Variants in NEGR1 observed in about 807,000 individuals in gnomAD.
NEGR1 encodes IgLON family member 4.
A neutral mutation model predicts 40.9 loss-of-function variants in NEGR1; 10 were observed. The observed-to-expected ratio is 0.24, with a 90% CI of 0.15 to 0.42. NEGR1 has a LOEUF of 0.42. Among genes scored for constraint, NEGR1 ranks in the 10% least tolerant of loss-of-function variants. The probability of loss-of-function intolerance (pLI) is 1.00; values close to 1 mark genes in which losing one functional copy is unlikely to be tolerated. For missense variants in NEGR1, 352 were observed against 438.9 expected (o/e 0.80, Z 1.77); for synonymous variants, 185 against 166.8 (o/e 1.11, Z -0.84).
chr1:71,845,522 C>G (rs1403809154), intron 2 of NEGR1, among the ~76,000 whole-genome samples: 4 of 152,096 alleles, frequency 2.6e-5, no homozygotes, highest in Non-Finnish European at 1.5e-5. Flanking sequence ...ACTAATGAAA[C>G]TAAGTACTTA....
At chr1:72,133,257 C>A (rs541864429) in intron 1 of NEGR1, among the ~76,000 whole-genome samples, 10 of 152,018 alleles carry the variant, frequency 6.6e-5, no homozygotes, top group African/African-American at 2.2e-4. Context: ...TAATTTGTTG[C>A]CTAGAAACAA....
chr1:71,451,517 G>A (rs1325704805), intron 6 of NEGR1, among the ~76,000 whole-genome samples: 2 of 151,858 alleles, frequency 1.3e-5, no homozygotes, highest in East Asian at 1.9e-4. Flanking sequence ...TGTATTTTTA[G>A]TAGAGACAGG....
chr1:71,472,428 A>G (rs755697655), intron 6 of NEGR1, among the ~76,000 whole-genome samples: 1 of 152,140 alleles, frequency 6.6e-6, no homozygotes, highest in Non-Finnish European at 1.5e-5. Context: ...ACCCTCCAGG[A>G]TCATGATTTT....
At chr1:71,993,052 C>T (rs576480964) in intron 1 of NEGR1, among the ~76,000 whole-genome samples, 33 of 152,052 alleles carry the variant, frequency 2.2e-4, no homozygotes, top group Non-Finnish European at 3.7e-4. Flanking sequence ...TCAGAGGTTT[C>T]CTGAGGCAGT....
chr1:71,841,943 A>T (rs1570420019), intron 2 of NEGR1, among the ~76,000 whole-genome samples: 1 of 152,274 alleles, frequency 6.6e-6, no homozygotes, highest in East Asian at 1.9e-4. Context: ...AAATTCCTTC[A>T]ACGTAAGTAT....
chr1:71,417,004 G>A (rs542610067), intron 6 of NEGR1, among the ~76,000 whole-genome samples: 1 of 152,268 alleles, frequency 6.6e-6, no homozygotes, highest in Middle Eastern at 3.4e-3. Context: ...CAAATGATGT[G>A]CTTAAATTAG....
intron 1 of NEGR1, among the ~76,000 whole-genome samples, chr1:72,053,969 G>A (rs1477569330): frequency 1.3e-5 from 2 of 151,040 alleles, no homozygotes; most frequent in African/African-American, 4.8e-5. Context: ...CGTCTCTTGT[G>A]ACAGAAAGCA....
At chr1:71,668,137 T>A (rs1322269158) in intron 4 of NEGR1, among the ~76,000 whole-genome samples, 2 of 152,222 alleles carry the variant, frequency 1.3e-5, no homozygotes, top group Non-Finnish European at 2.9e-5. Context: ...ATTTTCCTGA[T>A]AGGAATATCT....
At chr1:72,181,030 C>T (rs1486613687) in intron 1 of NEGR1, among the ~76,000 whole-genome samples, 3 of 152,070 alleles carry the variant, frequency 2.0e-5, no homozygotes, top group African/African-American at 7.2e-5. Flanking sequence ...ATGGTGTTGA[C>T]TGTAGTGTTC....
At chr1:72,179,606 AG>A (rs1354716035) in intron 1 of NEGR1, among the ~76,000 whole-genome samples, 3 of 152,078 alleles carry the variant, frequency 2.0e-5, no homozygotes, top group Admixed American at 1.3e-4. Context: ...TGCAAAGGAA[AG>A]TTTAATAAAT....
At chr1:71,851,952 G>A (rs895634510) in intron 2 of NEGR1, among the ~76,000 whole-genome samples, 14 of 152,090 alleles carry the variant, frequency 9.2e-5, no homozygotes, top group Non-Finnish European at 1.5e-4. Flanking sequence ...TTCTTGGGAA[G>A]ATGTATATCC....
intron 6 of NEGR1, among the ~76,000 whole-genome samples, chr1:71,584,820 G>A (rs1649250198): frequency 6.6e-6 from 1 of 152,146 alleles, no homozygotes; most frequent in South Asian, 2.1e-4. Flanking sequence ...GACTGGAAAT[G>A]TTGGCATGTT....
intron 3 of NEGR1, among the ~76,000 whole-genome samples, chr1:71,714,890 G>A (rs535056317): frequency 6.0e-4 from 92 of 152,286 alleles, no homozygotes; most frequent in African/African-American, 2.0e-3. Flanking sequence ...GGAAGACAGT[G>A]GCCCTCTTCC....
intron 3 of NEGR1, among the ~76,000 whole-genome samples, chr1:71,700,500 T>G (rs1400015911): frequency 1.3e-5 from 2 of 152,058 alleles, no homozygotes; most frequent in Non-Finnish European, 2.9e-5. Flanking sequence ...TGTACTTATA[T>G]CAGTTGTCTA....
chr1:72,280,212 C>G (rs1391615468), intron 1 of NEGR1, among the ~76,000 whole-genome samples: 3 of 152,180 alleles, frequency 2.0e-5, no homozygotes, highest in Non-Finnish European at 2.9e-5. Flanking sequence ...GGAAGCTCCA[C>G]TGTTGGAAGC....
chr1:71,988,545 CAAAAAAAAA>C (rs1197884975), intron 1 of NEGR1, among the ~76,000 whole-genome samples: 1 of 39,744 alleles, frequency 2.5e-5, no homozygotes, highest in Non-Finnish European at 4.8e-5. Context: ...GACTCCGTCT[CAAAAAAAAA>C]AAAAAAAAAA....
At chr1:72,050,174 A>G (rs532196138) in intron 1 of NEGR1, among the ~76,000 whole-genome samples, 1 of 151,806 alleles carries the variant, frequency 6.6e-6, no homozygotes, top group Admixed American at 6.6e-5. Context: ...TACATATAGT[A>G]TATAAAGTTA....
At chr1:71,792,537 C>T (rs1657155960) in intron 2 of NEGR1, among the ~76,000 whole-genome samples, 1 of 152,092 alleles carries the variant, frequency 6.6e-6, no homozygotes, top group Admixed American at 6.6e-5. Flanking sequence ...GGATGACCAC[C>T]TGCCTTTCCA....
At chr1:71,699,204 A>G (rs1282062079) in intron 3 of NEGR1, among the ~76,000 whole-genome samples, 2 of 151,984 alleles carry the variant, frequency 1.3e-5, no homozygotes, top group Non-Finnish European at 2.9e-5. Context: ...ACTAGTAAGA[A>G]TGTTCCATTT....
Sources: gnomAD v4.1 joint callset for allele counts (sites outside exome capture counted in the v4.1 genomes callset) on GRCh38, gnomAD v4.1.1 for gene constraint, MANE v1.5 for transcripts, NCBI Gene and HGNC (gene_info 2026-07-23, HGNC 2026-07-21) for gene names.